GLIS3: variants seen among roughly 807,000 people sequenced by gnomAD.
GLIS3 encodes GLIS family zinc finger 3.
A neutral mutation model predicts 78.6 loss-of-function variants in GLIS3; 53 were observed. The ratio of observed to expected loss-of-function variants is 0.67; its 90% CI spans 0.54 to 0.85. The LOEUF is 0.85. GLIS3 is among the 40% of genes least tolerant of loss of function. The pLI is 0.00. For synonymous variants in GLIS3, 684 were observed against 509.9 expected (o/e 1.34, Z -4.60); for missense variants, 1,703 against 1,231.1 (o/e 1.38, Z -5.74).
intron 2 of GLIS3, among the ~76,000 whole-genome samples, chr9:4,206,017 T>G (rs1399490083): frequency 6.6e-6 from 1 of 152,178 alleles, no homozygotes; most frequent in African/African-American, 2.4e-5. Flanking sequence ...TACCTGAATC[T>G]GATTTAGAAG....
At chr9:4,320,189 A>C (rs1817503406) in intron 2 of GLIS3, among the ~76,000 whole-genome samples, 1 of 152,154 alleles carries the variant, frequency 6.6e-6, no homozygotes, top group African/African-American at 2.4e-5. Context: ...TAGGTCAACA[A>C]ATTCCCTTCC....
the GLIS3 span, among the ~76,000 whole-genome samples, chr9:4,469,657 G>C: frequency 6.6e-6 from 1 of 152,154 alleles, no homozygotes; most frequent in South Asian, 2.1e-4. Flanking sequence ...GAAATTTATA[G>C]CACTAAATGC....
At chr9:4,051,253 T>G (rs1032554560) in intron 4 of GLIS3, among the ~76,000 whole-genome samples, 1 of 152,204 alleles carries the variant, frequency 6.6e-6, no homozygotes, top group African/African-American at 2.4e-5. Flanking sequence ...AATTGCTTAT[T>G]TCGAATGTGG....
intron 2 of GLIS3, among the ~76,000 whole-genome samples, chr9:4,130,723 C>G (rs979805208): frequency 6.6e-6 from 1 of 152,218 alleles, no homozygotes; most frequent in South Asian, 2.1e-4. Context: ...AGAGGCCACA[C>G]GGAGAACCAC....
chr9:4,167,377 C>A (rs1416453530), intron 2 of GLIS3, among the ~76,000 whole-genome samples: 1 of 152,058 alleles, frequency 6.6e-6, no homozygotes, highest in African/African-American at 2.4e-5. Flanking sequence ...AGAGGACAAA[C>A]AGGAAAGAAA....
intron 4 of GLIS3, among the ~76,000 whole-genome samples, chr9:3,967,513 A>C (rs1818044881): frequency 6.6e-6 from 1 of 152,190 alleles, no homozygotes; most frequent in African/African-American, 2.4e-5. Context: ...AAAAAAAAGA[A>C]AAAGAAAGAA....
chr9:4,201,081 A>C (rs917858435), intron 2 of GLIS3, among the ~76,000 whole-genome samples: 1 of 151,780 alleles, frequency 6.6e-6, no homozygotes, highest in African/African-American at 2.4e-5. Context: ...TTAAAAACAA[A>C]ACCACTCGAT....
At chr9:4,312,758 A>G (rs903397373) in intron 2 of GLIS3, among the ~76,000 whole-genome samples, 1 of 152,158 alleles carries the variant, frequency 6.6e-6, no homozygotes, top group African/African-American at 2.4e-5. Flanking sequence ...GGGCTGGTGG[A>G]GCTGGGTATG....
intron 3 of GLIS3, among the ~76,000 whole-genome samples, chr9:4,122,444 T>C (rs908575883): frequency 2.0e-5 from 3 of 152,146 alleles, no homozygotes. Context: ...TCAACCCCCT[T>C]AGCCTTCTCT....
chr9:3,989,421 A>G (rs895329328), intron 4 of GLIS3, among the ~76,000 whole-genome samples: 2 of 152,236 alleles, frequency 1.3e-5, no homozygotes, highest in African/African-American at 4.8e-5. Flanking sequence ...AAATTATGTT[A>G]TAACAAAAAC....
the GLIS3 span, among the ~76,000 whole-genome samples, chr9:4,371,353 A>G: frequency 6.6e-6 from 1 of 152,098 alleles, no homozygotes; most frequent in East Asian, 1.9e-4. Context: ...GGCCCACTCC[A>G]CTTCTTCCAC....
the GLIS3 span, among the ~76,000 whole-genome samples, chr9:4,458,702 G>A: frequency 1.3e-5 from 2 of 152,204 alleles, no homozygotes; most frequent in African/African-American, 4.8e-5. Context: ...GGAGGCTGAG[G>A]CAGGAGAATT....
chr9:4,407,832 G>A, the GLIS3 span, among the ~76,000 whole-genome samples: 1 of 151,964 alleles, frequency 6.6e-6, no homozygotes, highest in Non-Finnish European at 1.5e-5. Flanking sequence ...GAGGCAACCC[G>A]CAGAATGAGA....
chr9:4,415,257 G>A, the GLIS3 span, among the ~76,000 whole-genome samples: 3 of 152,256 alleles, frequency 2.0e-5, no homozygotes, highest in East Asian at 1.9e-4. Flanking sequence ...TGGATTAGTG[G>A]TTAAGTTCTC....
chr9:4,070,427 C>T (rs897644101), intron 4 of GLIS3, among the ~76,000 whole-genome samples: 8 of 152,150 alleles, frequency 5.3e-5, no homozygotes, highest in Non-Finnish European at 1.0e-4. Context: ...AGACACAGTA[C>T]TGTCTCTCTA....
At chr9:4,468,258 A>T in the GLIS3 span, among the ~76,000 whole-genome samples, 1 of 152,192 alleles carries the variant, frequency 6.6e-6, no homozygotes, top group Non-Finnish European at 1.5e-5. Flanking sequence ...AGGCTGACCA[A>T]CTTTCAAATT....
chr9:4,227,150 G>C (rs1275643134), intron 2 of GLIS3, among the ~76,000 whole-genome samples: 1 of 152,102 alleles, frequency 6.6e-6, no homozygotes, highest in Non-Finnish European at 1.5e-5. Flanking sequence ...CTCAGGTCTT[G>C]CTGCAGCAAC....
chr9:4,265,470 G>C (rs527679091), intron 2 of GLIS3, among the ~76,000 whole-genome samples: 6 of 147,902 alleles, frequency 4.1e-5, no homozygotes, highest in South Asian at 2.1e-4. Context: ...TCTCACATCC[G>C]TCACATTCTA....
intron 4 of GLIS3, among the ~76,000 whole-genome samples, chr9:4,058,708 C>T (rs889685609): frequency 2.0e-5 from 3 of 152,168 alleles, no homozygotes; most frequent in Admixed American, 6.5e-5. Context: ...CCATAGAGTG[C>T]GGTAGCTCAA....
Sources: gnomAD v4.1 joint callset for allele counts (sites outside exome capture counted in the v4.1 genomes callset) on GRCh38, gnomAD v4.1.1 for gene constraint, MANE v1.5 for transcripts, NCBI Gene and HGNC (gene_info 2026-07-23, HGNC 2026-07-21) for gene names.